The following CCDC171 variants were observed in gnomAD, a reference collection of about 807,000 sequenced individuals.
The protein encoded by CCDC171 is coiled-coil domain containing 171.
Under a neutral mutation model 168.2 loss-of-function variants are expected in CCDC171, and 177 were observed. The observed-to-expected ratio is 1.05, with a 90% CI of 0.93 to 1.19. CCDC171 has a LOEUF of 1.19. CCDC171 is among the 50% of genes most tolerant of loss of function. The pLI is 0.00. For synonymous variants in CCDC171, 687 were observed against 540.8 expected (o/e 1.27, Z -3.75); for missense variants, 1,991 against 1,539.0 (o/e 1.29, Z -4.91).
chr9:15,777,560 CA>C (rs1564387048), intron 18 of CCDC171, 39 bp from the exon 19 acceptor site: 17 of 1,226,648 alleles, frequency 1.4e-5, no homozygotes, highest in Non-Finnish European at 2.0e-5. Context: ...GCACAAGAGA[CA>C]ATTCACATTT....
chr9:15,701,639 G>A (rs760779592), intron 11 of CCDC171, among the ~76,000 whole-genome samples: 1 of 150,334 alleles, frequency 6.7e-6, no homozygotes, highest in African/African-American at 2.5e-5. Context: ...GAGCGCAGTG[G>A]CACGATCTTG....
intron 18 of CCDC171, among the ~76,000 whole-genome samples, chr9:15,767,583 C>T (rs149638891): frequency 6.6e-6 from 1 of 151,878 alleles, no homozygotes; most frequent in Non-Finnish European, 1.5e-5. Context: ...ACATCTTTAG[C>T]GAGGTCATTA....
the CCDC171 span, among the ~76,000 whole-genome samples, chr9:16,104,635 C>T: frequency 6.6e-6 from 1 of 152,108 alleles, no homozygotes; most frequent in South Asian, 2.1e-4. Context: ...ATCAATCATT[C>T]ATCCATCCAT....
chr9:16,078,274 A>C, the CCDC171 span, among the ~76,000 whole-genome samples: 1 of 152,218 alleles, frequency 6.6e-6, no homozygotes, highest in Non-Finnish European at 1.5e-5. Context: ...CAAGGTGTGA[A>C]TCTAGAGGGC....
chr9:15,592,242 T>C (rs2042055861), intron 5 of CCDC171, among the ~76,000 whole-genome samples: 1 of 151,504 alleles, frequency 6.6e-6, no homozygotes, highest in South Asian at 2.1e-4. Flanking sequence ...GGTGGGAAGA[T>C]CACTTGAGGC....
chr9:15,839,710 A>C (rs2060593336), intron 21 of CCDC171, among the ~76,000 whole-genome samples: 1 of 152,190 alleles, frequency 6.6e-6, no homozygotes, highest in African/African-American at 2.4e-5. Flanking sequence ...TTGAATACTT[A>C]CAATATGAGA....
chr9:16,087,347 A>G, the CCDC171 span, among the ~76,000 whole-genome samples: 4 of 152,006 alleles, frequency 2.6e-5, no homozygotes, highest in Non-Finnish European at 4.4e-5. Flanking sequence ...GCCTCCCACT[A>G]TTATTGTGTG....
intron 9 of CCDC171, among the ~76,000 whole-genome samples, chr9:15,671,228 A>G (rs949504645): frequency 1.3e-5 from 2 of 152,046 alleles, no homozygotes; most frequent in Non-Finnish European, 2.9e-5. Context: ...ACAGAACCGA[A>G]AGTCTCTCAT....
At chr9:15,697,710 A>G (rs2051323238) in intron 11 of CCDC171, among the ~76,000 whole-genome samples, 1 of 152,218 alleles carries the variant, frequency 6.6e-6, no homozygotes, top group Admixed American at 6.5e-5. Context: ...TTATTGCCAA[A>G]AAATGCTGAT....
rs188389781 is a variant in CCDC171, at chr9:15,819,271, A to G, written c.3268-27431A>G. On this transcript the variant is annotated intron_variant, in intron 21 of 25. Coordinates refer to ENST00000380701, the MANE Select transcript of CCDC171 (RefSeq NM_173550.4). ...ATTGTAAAGACCATCGAGGCTAGGA[A>G]GAAACTGCATCAACTAACGAGCAAA... Among the ~76,000 whole-genome samples, 327 of 118,238 alleles carry G rather than the reference A, an allele frequency of 2.8e-3. 88 individuals carry two copies. Among genetic ancestry groups the G allele is most frequent in the African/African-American group, 9.7e-3 (305 of 31,512 alleles). The allele number at this position is 118,238 out of a possible 152,430, so 77.6% of individuals were successfully genotyped here. A position where few individuals can be genotyped will look rare whatever the true frequency, so the allele number is the denominator to read the frequency against.
intron 8 of CCDC171, 49 bp from the exon 9 acceptor site, chr9:15,666,114 A>T: frequency 1.3e-6 from 2 of 1,533,386 alleles, no homozygotes; most frequent in Non-Finnish European, 1.8e-6. Flanking sequence ...TTTAAGATTG[A>T]TGCTAGCATT....
intron 14 of CCDC171, among the ~76,000 whole-genome samples, chr9:15,727,578 A>G (rs1157828607): frequency 6.6e-6 from 1 of 152,226 alleles, no homozygotes; most frequent in Non-Finnish European, 1.5e-5. Flanking sequence ...AAGCCTGAGC[A>G]GGTGTTTACT....
chr9:15,669,291 C>A (rs899042214), intron 9 of CCDC171, among the ~76,000 whole-genome samples: 1 of 151,952 alleles, frequency 6.6e-6, no homozygotes, highest in Non-Finnish European at 1.5e-5. Context: ...GAAACCAAAG[C>A]TTTTCAATAA....
At chr9:16,090,307 A>G in the CCDC171 span, among the ~76,000 whole-genome samples, 1 of 152,186 alleles carries the variant, frequency 6.6e-6, no homozygotes, top group Non-Finnish European at 1.5e-5. Flanking sequence ...AGTCTCAGCA[A>G]ACTAACACAG....
chr9:15,808,666 A>G (rs1588627354), intron 21 of CCDC171, among the ~76,000 whole-genome samples: 1 of 152,280 alleles, frequency 6.6e-6, no homozygotes, highest in East Asian at 1.9e-4. Flanking sequence ...TTAGGATATC[A>G]CAGGCGTGAA....
At chr9:15,578,612 T>G (rs2040863493) in intron 3 of CCDC171, among the ~76,000 whole-genome samples, 1 of 151,352 alleles carries the variant, frequency 6.6e-6, no homozygotes, top group South Asian at 2.1e-4. Context: ...TATCTTTAAT[T>G]TTATAAAAAG....
intron 10 of CCDC171, among the ~76,000 whole-genome samples, chr9:15,686,904 T>G (rs1355087648): frequency 6.6e-6 from 1 of 152,140 alleles, no homozygotes; most frequent in Admixed American, 6.5e-5. Context: ...GTAAACAAAT[T>G]AGACCTTACA....
intron 7 of CCDC171, among the ~76,000 whole-genome samples, chr9:15,641,071 C>A (rs900564741): frequency 6.6e-6 from 1 of 151,798 alleles, no homozygotes; most frequent in Non-Finnish European, 1.5e-5. Context: ...TGATTCAGTC[C>A]CTTGGAATCA....
At chr9:15,618,429 A>G (rs1358681356) in intron 6 of CCDC171, among the ~76,000 whole-genome samples, 3 of 152,174 alleles carry the variant, frequency 2.0e-5, no homozygotes, top group Admixed American at 2.0e-4. Flanking sequence ...GAGAATTTCA[A>G]GCCAGTGGTT....
Sources: gnomAD v4.1 joint callset for allele counts (sites outside exome capture counted in the v4.1 genomes callset) on GRCh38, gnomAD v4.1.1 for gene constraint, MANE v1.5 for transcripts, NCBI Gene and HGNC (gene_info 2026-07-23, HGNC 2026-07-21) for gene names.